The following CACNA2D2 variants were observed in gnomAD, a reference collection of about 807,000 sequenced individuals.
The protein encoded by CACNA2D2 is voltage-dependent calcium channel subunit alpha-2/delta-2.
A neutral mutation model predicts 166.4 loss-of-function variants in CACNA2D2; 48 were observed. The observed-to-expected ratio is 0.29, with a 90% CI of 0.23 to 0.37. CACNA2D2 has a LOEUF of 0.37. CACNA2D2 is among the 10% of genes least tolerant of loss of function. CACNA2D2 has a pLI of 1.00. For missense variants in CACNA2D2, 1,122 were observed against 1,433.0 expected, an observed-to-expected ratio of 0.78 and a Z score of 3.50; for synonymous variants, 561 against 573.7, an observed-to-expected ratio of 0.98 and a Z score of 0.32.
chr3:50,365,040 G>C lies in CACNA2D2; in HGVS notation c.3208+35C>G. 1.3e-6 allele frequency: 2 copies of C among 1,599,916 alleles called. No individual in the cohort carries two copies. Among genetic ancestry groups the C allele is most frequent in the Non-Finnish European group, 1.7e-6 (2 of 1,173,554 alleles). On this transcript the variant is annotated intron_variant, in intron 36 of 37. Transcript: ENST00000424201. The surrounding 1 kb of genome is among the most constrained non-coding windows in gnomAD (Gnocchi z 4.5). Reference sequence around the variant, plus strand: ...ACGGAGGGGGCGCGCGGGGCAGAGGGGGAGCGGGCGGCGGGGAGGGCGGGG... The same window carrying C: ...ACGGAGGGGGCGCGCGGGGCAGAGGCGGAGCGGGCGGCGGGGAGGGCGGGG...
chr3:50,370,999 G>A (rs1030523959), intron 22 of CACNA2D2, among the ~76,000 whole-genome samples: 6 of 152,102 alleles, frequency 3.9e-5, no homozygotes, highest in African/African-American at 1.2e-4. Flanking sequence ...AGACGGGTCG[G>A]GGCAGCTGAG....
chr3:50,460,963 G>A (rs1396679763), intron 2 of CACNA2D2, among the ~76,000 whole-genome samples: 1 of 152,010 alleles, frequency 6.6e-6, no homozygotes, highest in African/African-American at 2.4e-5. Flanking sequence ...CACAGAAATG[G>A]AATATTGGAG....
rs1704382348 is a variant in CACNA2D2, at chr3:50,367,457, C to T, written c.2338G>A (p.Ala780Thr). 6.2e-7 allele frequency: 1 copy of T among 1,613,910 alleles called. No individual in the cohort carries two copies. The highest frequency in any genetic ancestry group is 1.1e-5 in the South Asian group (1 of 91,074). The change falls in exon 27 of 38, where the codon GCC becomes ACC. Residue 780 changes from alanine to threonine, a missense_variant. Around this residue, in one of 2 missense-constraint regions of CACNA2D2, gnomAD observed 840 missense variants for 1,166.8 expected, o/e 0.72. Transcript: ENST00000424201. This position sits in a 1 kb window ranked among gnomAD's most constrained non-coding sequence, Gnocchi z 6.5. ...DWTENPEPFN[A>T]SFYRRSLDNH... is the part of the protein sequence containing the mutation. Reference sequence around the variant, plus strand: ...TCCAGGCTGCGGCGGTAGAAGCTGGCATTGAAGGGCTCAGGGTTCTCTGTC... The same window carrying T: ...TCCAGGCTGCGGCGGTAGAAGCTGGTATTGAAGGGCTCAGGGTTCTCTGTC...
chr3:50,418,143 T>C (rs1434796054), intron 3 of CACNA2D2, among the ~76,000 whole-genome samples: 1 of 152,144 alleles, frequency 6.6e-6, no homozygotes, highest in African/African-American at 2.4e-5. Flanking sequence ...CATAGGCTCC[T>C]TCTCTGTGAT....
At position 50,365,217 on chromosome 3, in the gene CACNA2D2, T is replaced by C. The variant is rs1223374257; in HGVS notation, c.3099-33A>G. The C allele has an allele frequency of 1.2e-6, 2 of 1,602,484 alleles. No homozygotes were observed. Among genetic ancestry groups the C allele is most frequent in the East Asian group, 2.2e-5 (1 of 44,668 alleles). ...CAGCCCGGAAAGGCGGGGCGTTGAG[T>C]TTGCCCCGCCCTGACCCACCCCCAT... is the stretch of plus-strand genomic sequence containing the variant. On this transcript the variant is annotated intron_variant, in intron 35 of 37. Coordinates refer to ENST00000424201, the MANE Select transcript of CACNA2D2 (RefSeq NM_006030.4). This position sits in a 1 kb window ranked among gnomAD's most constrained non-coding sequence, Gnocchi z 4.5.
intron 1 of CACNA2D2, among the ~76,000 whole-genome samples, chr3:50,501,586 G>GCAGGCCCAGAAGCCAT: frequency 6.6e-6 from 1 of 152,318 alleles, no homozygotes; most frequent in East Asian, 1.9e-4. Flanking sequence ...GGAGACTCGT[G>GCAGGCCCAGAAGCCAT]CAGGCCCAGA....
chr3:50,416,820 A>G (rs1707284344), intron 3 of CACNA2D2, among the ~76,000 whole-genome samples: 1 of 152,170 alleles, frequency 6.6e-6, no homozygotes, highest in South Asian at 2.1e-4. Context: ...GCAAGTGGAG[A>G]AAGGGATATC....
chr3:50,390,985 T>A (rs965180851), intron 4 of CACNA2D2, among the ~76,000 whole-genome samples: 5 of 152,212 alleles, frequency 3.3e-5, no homozygotes, highest in African/African-American at 1.2e-4. Context: ...CCTGGCCTAG[T>A]GCCAGCTCAG....
chr3:50,377,384 G>A, intron 17 of CACNA2D2, 83 bp downstream of exon 17: 3 of 1,152,902 alleles, frequency 2.6e-6, no homozygotes, highest in Admixed American at 1.9e-5. Context: ...TGGAGGCGCT[G>A]TAATACCCAT....
intron 2 of CACNA2D2, among the ~76,000 whole-genome samples, chr3:50,474,264 T>A (rs550586472): frequency 6.6e-6 from 1 of 152,162 alleles, no homozygotes; most frequent in Non-Finnish European, 1.5e-5. Flanking sequence ...AGGGAAATTA[T>A]CCCTGGGAGT....
intron 1 of CACNA2D2, among the ~76,000 whole-genome samples, chr3:50,482,719 C>A (rs1020275814): frequency 1.3e-5 from 2 of 152,198 alleles, no homozygotes; most frequent in Non-Finnish European, 2.9e-5. Context: ...GGGCTGCAGC[C>A]CCTCTCTGCA....
intron 23 of CACNA2D2, 113 bp downstream of exon 23, chr3:50,370,207 G>T (rs1311169237): frequency 6.7e-6 from 5 of 749,126 alleles, no homozygotes; most frequent in Non-Finnish European, 7.1e-6. Flanking sequence ...GGGGGCCGGG[G>T]GATGACACTG....
chr3:50,379,687 G>T lies in CACNA2D2; in HGVS notation c.993+38C>A. On this transcript the variant is annotated intron_variant, in intron 10 of 37. Transcript: ENST00000424201. This position sits in a 1 kb window ranked among gnomAD's most constrained non-coding sequence, Gnocchi z 6.5. ...TGGTCACAGGAGCAGGGCAGATGGG[G>T]TGACCCATTTCACCCCGTCTGCCAC... The T allele has an allele frequency of 6.2e-7, 1 of 1,612,496 alleles. No homozygotes were observed. The highest frequency in any genetic ancestry group is 8.5e-7 in the Non-Finnish European group (1 of 1,179,040).
chr3:50,460,326 C>T (rs970082215), intron 2 of CACNA2D2, among the ~76,000 whole-genome samples: 1 of 152,068 alleles, frequency 6.6e-6, no homozygotes, highest in Admixed American at 6.5e-5. Flanking sequence ...ATTTATACCA[C>T]GGTTATGCAA....
rs1704985865 is a variant in CACNA2D2, at chr3:50,376,269, C to T, written c.1627-81G>A. 4 of 1,411,790 alleles carry T rather than the reference C, an allele frequency of 2.8e-6. No homozygotes were observed. In the African/African-American group the frequency reaches 4.2e-5, roughly 15 times the overall value. 87.5% of individuals were successfully genotyped at this position (1,411,790 alleles called of 1,614,324 possible). A position where few individuals can be genotyped will look rare whatever the true frequency, so the allele number is the denominator to read the frequency against. ...GCTCCGGAGTTCTTCCCTATTTGGC[C>T]TCCCACCGCACCGAGAGATTCTGTT... On this transcript the variant is annotated intron_variant, in intron 17 of 37. Transcript: ENST00000424201. The surrounding 1 kb of genome is among the most constrained non-coding windows in gnomAD (Gnocchi z 4.3).
At chr3:50,456,185 C>T (rs1709350664) in intron 2 of CACNA2D2, among the ~76,000 whole-genome samples, 1 of 152,232 alleles carries the variant, frequency 6.6e-6, no homozygotes, top group African/African-American at 2.4e-5. Flanking sequence ...CAATGGTAGA[C>T]AAGGGCTGTG....
chr3:50,475,952 G>C (rs923583104), intron 2 of CACNA2D2, among the ~76,000 whole-genome samples, 166 bp downstream of exon 2: 1 of 152,208 alleles, frequency 6.6e-6, no homozygotes, highest in African/African-American at 2.4e-5. Flanking sequence ...GGCCCCAGAG[G>C]AGTGCTGCCC....
chr3:50,446,417 T>C (rs983710768), intron 2 of CACNA2D2, among the ~76,000 whole-genome samples: 10 of 152,234 alleles, frequency 6.6e-5, no homozygotes, highest in Admixed American at 6.5e-4. Flanking sequence ...TACATGGACT[T>C]ACCACATGCA....
At chr3:50,477,344 C>A (rs1211796081) in intron 1 of CACNA2D2, among the ~76,000 whole-genome samples, 2 of 152,184 alleles carry the variant, frequency 1.3e-5, no homozygotes, top group Non-Finnish European at 2.9e-5. Flanking sequence ...GTAAGTCAAG[C>A]GTGTTCGCTG....
Sources: allele counts gnomAD v4.1 joint callset (sites outside exome capture counted in the v4.1 genomes callset), GRCh38; gene constraint gnomAD v4.1.1; regional missense constraint gnomAD v4.1.1; non-coding constraint Gnocchi (gnomAD v3.1); transcripts MANE v1.5; gene names NCBI Gene and HGNC (gene_info 2026-07-23, HGNC 2026-07-21).